Variants in PSMD7 observed in about 807,000 individuals in gnomAD.
PSMD7 encodes proteasome 26S subunit, non-ATPase 7.
PSMD7 carries 13 observed loss-of-function variants against 36.4 expected under a neutral mutation model. The observed-to-expected ratio is 0.36, with a 90% CI of 0.23 to 0.57. The LOEUF (loss-of-function observed/expected upper bound fraction) is 0.57, where lower values mean the gene tolerates loss of function less well. PSMD7 is among the 20% of genes least tolerant of loss of function. The pLI, the probability that PSMD7 is intolerant of heterozygous loss-of-function variation, is 0.83. For synonymous variants in PSMD7, 186 were observed against 151.0 expected (o/e 1.23, Z -1.70); for missense variants, 298 against 393.6 (o/e 0.76, Z 2.06).
At chr16:74,302,142 G>A in intron 4 of PSMD7, 70 bp from the exon 5 acceptor site, 2 of 1,237,634 alleles carry the variant, frequency 1.6e-6, no homozygotes, top group East Asian at 2.3e-5. Flanking sequence ...GTAATTGTGA[G>A]AAGAATGCCT....
At chr16:74,300,232 C>T (rs201889064) in intron 2 of PSMD7, 26 bp downstream of exon 2, 35 of 1,576,914 alleles carry the variant, frequency 2.2e-5, no homozygotes, top group South Asian at 1.1e-4. Context: ...TATGTTTTTC[C>T]GAGCATGATT....
chr16:74,303,501 G>A (rs573490823), intron 5 of PSMD7, among the ~76,000 whole-genome samples: 7 of 152,124 alleles, frequency 4.6e-5, no homozygotes, highest in African/African-American at 1.4e-4. Flanking sequence ...AAGTATCTTC[G>A]AAGTCCCTTC....
chr16:74,299,589 T>G (rs2034140089), intron 1 of PSMD7: 1 of 454,656 alleles, frequency 2.2e-6, no homozygotes, highest in African/African-American at 2.0e-5. Flanking sequence ...TTCGCCATGT[T>G]GCCCACGCTG....
intron 1 of PSMD7, among the ~76,000 whole-genome samples, chr16:74,299,358 C>A (rs1777536165): frequency 6.6e-6 from 1 of 151,984 alleles, no homozygotes; most frequent in African/African-American, 2.4e-5. Flanking sequence ...CAAGTAAAAT[C>A]TTTCTCATTC....
intron 5 of PSMD7, chr16:74,304,100 G>T: frequency 2.0e-6 from 1 of 504,452 alleles, no homozygotes. Flanking sequence ...CCAGCAGACT[G>T]CATCACTGAG....
chr16:74,301,253 C>G lies in PSMD7; in HGVS notation c.259+109C>G. On this transcript the variant is annotated intron_variant, in intron 3 of 6. Transcript: ENST00000219313. ...AGGGCCCTTTCACTTAGCTACACTT[C>G]AGTAAGACTAGTGGTAGTAGAGGAA... 4.1e-6 allele frequency: 3 copies of G among 725,982 alleles called. No individual in the cohort carries two copies. In the African/African-American group the frequency reaches 5.3e-5, roughly 13 times the overall value. The allele number at this position is 725,982 out of a possible 1,614,324, so 45.0% of individuals were successfully genotyped here. A position where few individuals can be genotyped will look rare whatever the true frequency, so the allele number is the denominator to read the frequency against.
Position 74,305,364 on chromosome 16 carries a change from C to T in PSMD7, c.606C>T (p.Asn202=). Residue 202 remains asparagine, a synonymous_variant, in exon 7 of 7, where the codon AAC becomes AAT. Coordinates refer to ENST00000219313, the MANE Select transcript of PSMD7 (RefSeq NM_002811.5). Reference sequence around the variant, plus strand: ...AGGTCCATGGTTTGAAGGGACTGAACTCCAAGCTTCTGGATATCAGGAGCT... The same window carrying T: ...AGGTCCATGGTTTGAAGGGACTGAATTCCAAGCTTCTGGATATCAGGAGCT... ...TNQVHGLKGL[N]SKLLDIRSYL... is the part of the protein sequence containing the mutation. 6.2e-7 allele frequency: 1 copy of T among 1,614,166 alleles called. No homozygotes were observed. The highest frequency in any genetic ancestry group is 8.5e-7 in the Non-Finnish European group (1 of 1,180,040).
chr16:74,302,126 G>A (rs971117136), intron 4 of PSMD7, 86 bp from the exon 5 acceptor site: 1 of 1,054,830 alleles, frequency 9.5e-7, no homozygotes, highest in African/African-American at 1.6e-5. Context: ...ACAAGAAATA[G>A]CTTTAGTAAT....
chr16:74,297,957 TC>T lies in PSMD7; in HGVS notation c.74+970del, dbSNP rs369712438. On this transcript the variant is annotated intron_variant, in intron 1 of 6. Transcript: ENST00000219313. ...AATGGGAATCTGATTAGACTCCGTCTCAAAAAAAAAAATGTATATATAGATG... is the reference window on the plus strand; with the variant it reads ...AATGGGAATCTGATTAGACTCCGTCTAAAAAAAAAAATGTATATATAGATG... Among the ~76,000 whole-genome samples the T allele has an allele frequency of 5.4e-4, 82 of 151,002 alleles. 1 individual carries two copies. The highest frequency in any genetic ancestry group is 2.0e-3 in the African/African-American group (81 of 41,208).
At chr16:74,303,789 T>C (rs915504130) in intron 5 of PSMD7, among the ~76,000 whole-genome samples, 10 of 151,984 alleles carry the variant, frequency 6.6e-5, no homozygotes, top group African/African-American at 2.2e-4. Flanking sequence ...TGGCGTGATC[T>C]CGACTCACTG....
Position 74,301,631 on chromosome 16 carries a change from GA to G in PSMD7, c.340del (p.Arg114AspfsTer13). The G allele has an allele frequency of 1.2e-6, 2 of 1,612,186 alleles. No individual in the cohort carries two copies. The highest frequency in any genetic ancestry group is 1.7e-6 in the Non-Finnish European group (2 of 1,178,316). On this transcript the variant is annotated frameshift_variant, in exon 4 of 7. Transcript: ENST00000219313. LOFTEE classifies it high-confidence loss of function. Reference sequence around the variant, plus strand: ...ATGACATTGCCATCAACGAACTCATGAAAAGATACTGTCCTAATTCCGTAAG... The same window carrying G: ...ATGACATTGCCATCAACGAACTCATGAAAGATACTGTCCTAATTCCGTAAG... ...KNDIAINELM[K>X]RYCPNSVLVI...
intron 2 of PSMD7, 197 bp downstream of exon 2, chr16:74,300,403 A>ACCGAGAT: frequency 1.7e-6 from 1 of 591,848 alleles, no homozygotes; most frequent in Admixed American, 2.9e-5. Context: ...TGTGGTCTCC[A>ACCGAGAT]CTGCACCTGC....
At chr16:74,297,076 C>T in intron 1 of PSMD7, 88 bp downstream of exon 1, 1 of 1,418,944 alleles carries the variant, frequency 7.0e-7, no homozygotes, top group East Asian at 2.4e-5. Context: ...CGCGGACGAG[C>T]TGGGGACGCA....
At chr16:74,300,955 CG>C in intron 2 of PSMD7, 96 bp from the exon 3 acceptor site, 1 of 625,238 alleles carries the variant, frequency 1.6e-6, no homozygotes, top group Admixed American at 3.6e-5. Context: ...AAGTGAAACA[CG>C]TAAGTGAATC....
rs779794417 is a variant in PSMD7, at chr16:74,301,659, G to A, written c.357+7G>A. 103 of 1,599,868 alleles carry A rather than the reference G, an allele frequency of 6.4e-5. No individual in the cohort carries two copies. Among genetic ancestry groups the A allele is most frequent in the Non-Finnish European group, 8.2e-5 (96 of 1,168,920 alleles). The stretch of plus-strand genomic sequence containing the variant: ...AAGATACTGTCCTAATTCCGTAAGT[G>A]GTGTCTATTTTTAAAACTCTTGAAT... On this transcript the variant is annotated splice_region_variant and intron_variant, in intron 4 of 6. Transcript: ENST00000219313.
At chr16:74,297,573 CTA>C (rs2093796247) in intron 1 of PSMD7, among the ~76,000 whole-genome samples, 1 of 151,940 alleles carries the variant, frequency 6.6e-6, no homozygotes. Context: ...CGCCCCAAGG[CTA>C]TGTTTATCTT....
In PSMD7 at chr16:74,302,359, T is replaced by A. The variant is rs2034162460; in HGVS notation, c.438+67T>A. ...TTATTGGGTGATTAGCTTTTTTTTTTCAATTTTCAGGTCAACAAATCCTTT... is the reference window on the plus strand; with the variant it reads ...TTATTGGGTGATTAGCTTTTTTTTTACAATTTTCAGGTCAACAAATCCTTT... On this transcript the variant is annotated intron_variant, in intron 5 of 6. Coordinates refer to ENST00000219313, the MANE Select transcript of PSMD7 (RefSeq NM_002811.5). The A allele has an allele frequency of 8.3e-6, 11 of 1,323,638 alleles. No homozygotes were observed. The South Asian group carries it at 1.3e-4, about 15-fold the overall frequency. The allele number at this position is 1,323,638 out of a possible 1,614,324, so 82.0% of individuals were successfully genotyped here. A position where few individuals can be genotyped will look rare whatever the true frequency, so the allele number is the denominator to read the frequency against.
rs752857155 is a variant in PSMD7 at position 74,305,493 on chromosome 16, C to G, written c.735C>G (p.Phe245Leu). The G allele has an allele frequency of 4.8e-5, 78 of 1,614,008 alleles. No homozygotes were observed. The highest frequency in any genetic ancestry group is 6.6e-5 in the Non-Finnish European group (78 of 1,180,036). The change falls in exon 7 of 7, where the codon TTC (phenylalanine) becomes TTG (leucine). Residue 245 changes from phenylalanine (F) to leucine (L), a missense_variant. Coordinates refer to ENST00000219313, the MANE Select transcript of PSMD7 (RefSeq NM_002811.5). ...TGCCAGATGTCAGCCTGCAGGAGTT[C>G]GTCAAGGCCTTTTACCTGAAGACCA... ...NLLPDVSLQE[F>L]VKAFYLKTND... is the part of the protein sequence containing the mutation.
Position 74,305,493 on chromosome 16 carries a change from C to T in PSMD7, c.735C>T (p.Phe245=), listed in dbSNP as rs752857155. ...TGCCAGATGTCAGCCTGCAGGAGTT[C>T]GTCAAGGCCTTTTACCTGAAGACCA... The part of the protein sequence containing the change: ...NLLPDVSLQE[F]VKAFYLKTND... Residue 245 remains phenylalanine, a synonymous_variant, in exon 7 of 7, where the codon TTC becomes TTT. Transcript: ENST00000219313. 7 of 1,614,126 alleles carry T rather than the reference C, an allele frequency of 4.3e-6. No homozygotes were observed. Among genetic ancestry groups the T allele is most frequent in the Middle Eastern group, 3.3e-4 (2 of 6,062 alleles).
Sources: allele counts gnomAD v4.1 joint callset (sites outside exome capture counted in the v4.1 genomes callset), GRCh38; gene constraint gnomAD v4.1.1; transcripts MANE v1.5; gene names NCBI Gene and HGNC (gene_info 2026-07-23, HGNC 2026-07-21).